ATRIP: variants seen among roughly 807,000 people sequenced by gnomAD.
The protein encoded by ATRIP is ATR interacting protein.
Under a neutral mutation model 78.1 loss-of-function variants are expected in ATRIP, and 44 were observed. The observed-to-expected ratio is 0.56, with a 90% confidence interval of 0.44 to 0.72. The LOEUF is 0.72. ATRIP is among the 30% of genes least tolerant of loss of function. The pLI, the probability that ATRIP is intolerant of heterozygous loss-of-function variation, is 0.00. For missense variants in ATRIP, 927 were observed against 980.2 expected, an observed-to-expected ratio of 0.95 and a Z score of 0.72; for synonymous variants, 388 against 408.9, an observed-to-expected ratio of 0.95 and a Z score of 0.62.
intron 9 of ATRIP, 30 bp from the exon 10 acceptor site, chr3:48,464,011 C>T (rs1278237285): frequency 6.2e-7 from 1 of 1,609,596 alleles, no homozygotes; most frequent in Non-Finnish European, 8.5e-7. Context: ...GAAAGGGCAC[C>T]CTGAGTGAGA....
Position 48,460,095 on chromosome 3 carries a change from T to C in ATRIP, c.1056-15T>C, listed in dbSNP as rs1449520444. The stretch of plus-strand genomic sequence containing the variant: ...ATCCCACACTTAATCTATTTTTCTT[T>C]GTGTTTGTTGCCAGTACCTTGGCTG... On this transcript the variant is annotated splice_polypyrimidine_tract_variant and intron_variant, in intron 7 of 12. Transcript: ENST00000320211. The C allele has an allele frequency of 1.9e-6, 3 of 1,597,372 alleles. No individual in the cohort carries two copies. The highest frequency in any genetic ancestry group is 1.7e-5 in the Admixed American group (1 of 57,726).
chr3:48,461,933 G>A (rs1371281969), intron 8 of ATRIP, among the ~76,000 whole-genome samples: 6 of 152,044 alleles, frequency 3.9e-5, no homozygotes, highest in East Asian at 3.9e-4. Flanking sequence ...CTCAAATGCC[G>A]GACCTCAGGT....
At position 48,459,528 on chromosome 3, in the gene ATRIP, CT is replaced by C. The variant is rs2040042406; in HGVS notation, c.925+75del. The C allele has an allele frequency of 3.4e-6, 5 of 1,458,184 alleles. No homozygotes were observed. The Admixed American group carries it at 8.8e-5, about 26-fold the overall frequency. 90.3% of individuals were successfully genotyped at this position (1,458,184 alleles called of 1,614,324 possible). On this transcript the variant is annotated intron_variant, in intron 6 of 12. Transcript: ENST00000320211. Reference sequence around the variant, plus strand: ...ATATGCAGAAGAATTGCCCAGGCCTCTGAGAACCGGTGCCCCGGGCAGTCCT... The same window carrying C: ...ATATGCAGAAGAATTGCCCAGGCCTCGAGAACCGGTGCCCCGGGCAGTCCT...
intron 2 of ATRIP, chr3:48,450,487 T>C (rs2039805874): frequency 1.5e-6 from 2 of 1,291,814 alleles, no homozygotes; most frequent in South Asian, 1.2e-5. Context: ...CTATTTTCAT[T>C]AGCAGCTTTG....
intron 4 of ATRIP, among the ~76,000 whole-genome samples, chr3:48,455,133 G>A (rs1451982607): frequency 6.6e-6 from 1 of 152,170 alleles, no homozygotes; most frequent in African/African-American, 2.4e-5. Context: ...AAACTACTGG[G>A]ATTACAAGCA....
chr3:48,446,796 G>C lies in ATRIP; in HGVS notation c.-50G>C. 2.2e-6 allele frequency: 3 copies of C among 1,358,222 alleles called. No homozygotes were observed. Among genetic ancestry groups the C allele is most frequent in the Non-Finnish European group, 2.8e-6 (3 of 1,053,076 alleles). The allele number at this position is 1,358,222 out of a possible 1,614,324, so 84.1% of individuals were successfully genotyped here. On this transcript the variant is annotated 5_prime_UTR_variant, in exon 1 of 13. Transcript: ENST00000320211. ...GTTGGTCCAGTTCTCCGGCCTGGCG[G>C]CAGGCAAGTCTAGCTCGGCGCTGTC...
At chr3:48,464,319 C>T (rs1032706504) in intron 10 of ATRIP, among the ~76,000 whole-genome samples, 187 bp downstream of exon 10, 1 of 152,194 alleles carries the variant, frequency 6.6e-6, no homozygotes, top group Non-Finnish European at 1.5e-5. Flanking sequence ...GCAGACAGGA[C>T]TTGGCAGAGT....
Position 48,466,235 on chromosome 3 carries a change from C to A in ATRIP, c.*681C>A. On this transcript the variant is annotated 3_prime_UTR_variant, in exon 13 of 13. Coordinates refer to ENST00000320211, the MANE Select transcript of ATRIP (RefSeq NM_130384.3). ...GCGGGCCCACGCCAAGTTTCACTTC[C>A]CGCCACTGCTGCCAGCGAGAGCCGC... The A allele has an allele frequency of 1.7e-6, 1 of 594,324 alleles. No homozygotes were observed. The highest frequency in any genetic ancestry group is 3.0e-6 in the Non-Finnish European group (1 of 332,350). 36.8% of individuals were successfully genotyped at this position (594,324 alleles called of 1,614,324 possible). A position where few individuals can be genotyped will look rare whatever the true frequency, so the allele number is the denominator to read the frequency against.
In ATRIP at chr3:48,464,861, A is replaced by C; in HGVS notation, c.2086A>C (p.Arg696=). ...VVRALTVMLH[R]QWLTVRRAGG... ...CAGAGCGCTCACGGTGATGTTGCACAGACAGTGGCTGACAGTGCGGAGGGC... is the reference window on the plus strand; with the variant it reads ...CAGAGCGCTCACGGTGATGTTGCACCGACAGTGGCTGACAGTGCGGAGGGC... Residue 696 remains arginine (R), a synonymous_variant, in exon 12 of 13, where the codon AGA becomes CGA. Coordinates refer to ENST00000320211, the MANE Select transcript of ATRIP (RefSeq NM_130384.3). 6.2e-7 allele frequency: 1 copy of C among 1,613,416 alleles called. No homozygotes were observed. The highest frequency in any genetic ancestry group is 2.2e-5 in the East Asian group (1 of 44,868).
At chr3:48,452,388 G>C (rs566044994) in intron 3 of ATRIP, among the ~76,000 whole-genome samples, 50 of 152,242 alleles carry the variant, frequency 3.3e-4, no homozygotes, top group Middle Eastern at 3.4e-3. Context: ...ATACAGAGCA[G>C]AATTAAGACT....
At chr3:48,465,115 C>G (rs776848808) in intron 12 of ATRIP, 32 bp downstream of exon 12, 1 of 1,584,374 alleles carries the variant, frequency 6.3e-7, no homozygotes, top group East Asian at 2.3e-5. Flanking sequence ...CTGCCCAGCC[C>G]CCATGGCTTC....
intron 7 of ATRIP, 32 bp downstream of exon 7, chr3:48,459,948 G>A: frequency 6.3e-7 from 1 of 1,587,198 alleles, no homozygotes; most frequent in Non-Finnish European, 8.5e-7. Context: ...AGCTTGTTTG[G>A]GAAGGAGCTT....
intron 2 of ATRIP, chr3:48,450,530 A>G: frequency 7.7e-7 from 1 of 1,290,464 alleles, no homozygotes; most frequent in Non-Finnish European, 1.0e-6. Context: ...CACCATCTGT[A>G]GGTCCCTAAG....
In ATRIP at chr3:48,457,391, A is replaced by T. The variant is rs751332555; in HGVS notation, c.804A>T (p.Gly268=). The change falls in exon 5 of 13, where the codon GGA becomes GGT. Residue 268 remains glycine (G), a synonymous_variant. Coordinates refer to ENST00000320211, the MANE Select transcript of ATRIP (RefSeq NM_130384.3). The stretch of plus-strand genomic sequence containing the variant: ...CCCACCCCTGCCAGACGGAGTCAGG[A>T]TACAAGCCTCTGGTGGGCAGAGAGG... ...SLPHPCQTES[G]YKPLVGREDS... 7 of 1,593,482 alleles carry T rather than the reference A, an allele frequency of 4.4e-6. No homozygotes were observed. The East Asian group carries it at 6.9e-5, about 16-fold the overall frequency.
At chr3:48,459,686 G>C (rs543107868) in intron 6 of ATRIP, 101 bp from the exon 7 acceptor site, 1 of 1,493,960 alleles carries the variant, frequency 6.7e-7, no homozygotes, top group Non-Finnish European at 9.1e-7. Flanking sequence ...TGGCAGCCTA[G>C]AGGACAGTTG....
In ATRIP at chr3:48,467,190, C is replaced by G; in HGVS notation, c.*1636C>G. The stretch of plus-strand genomic sequence containing the variant: ...ACACGGCCCAAGGAAGAGCTATAGC[C>G]TAGGCAGCATCTACACTCGCCTGTA... On this transcript the variant is annotated 3_prime_UTR_variant, in exon 13 of 13. Transcript: ENST00000320211. 6.2e-7 allele frequency: 1 copy of G among 1,613,912 alleles called. No individual in the cohort carries two copies. Among genetic ancestry groups the G allele is most frequent in the Non-Finnish European group, 8.5e-7 (1 of 1,179,962 alleles).
chr3:48,465,462 C>G (rs1386261864), intron 12 of ATRIP, 25 bp from the exon 13 acceptor site: 10 of 1,611,604 alleles, frequency 6.2e-6, no homozygotes, highest in Non-Finnish European at 8.5e-6. Context: ...GGGCCCTCAC[C>G]AGGAACCTCT....
Position 48,460,739 on chromosome 3 carries a change from C to G in ATRIP, c.1685C>G (p.Thr562Ser). The change falls in exon 8 of 13, where the codon ACC becomes AGC. Residue 562 changes from threonine (T) to serine (S), a missense_variant. Transcript: ENST00000320211. ...GGTCACCTTCAAGCCAGTGTCCTGA[C>G]CCAGTGCCTTAAGGTTTTGGTGAAA... ...ATGHLQASVL[T>S]QCLKVLVKLA... 1 of 1,611,654 alleles carries G rather than the reference C, an allele frequency of 6.2e-7. No homozygotes were observed. Among genetic ancestry groups the G allele is most frequent in the Non-Finnish European group, 8.5e-7 (1 of 1,177,944 alleles).
chr3:48,461,975 G>T (rs1486368856), intron 8 of ATRIP, among the ~76,000 whole-genome samples: 4 of 152,152 alleles, frequency 2.6e-5, no homozygotes. Context: ...CAAAGTGCAA[G>T]GATTACAGGC....
Sources: gnomAD v4.1 joint callset for allele counts (sites outside exome capture counted in the v4.1 genomes callset) on GRCh38, gnomAD v4.1.1 for gene constraint, MANE v1.5 for transcripts, NCBI Gene and HGNC (gene_info 2026-07-23, HGNC 2026-07-21) for gene names.